Variants in CCDC85A observed in about 807,000 individuals in gnomAD.
CCDC85A encodes the protein coiled-coil domain containing 85A.
Under a neutral mutation model 50.2 loss-of-function variants are expected in CCDC85A, and 38 were observed. The ratio of observed to expected loss-of-function variants is 0.76; its 90% CI spans 0.58 to 0.99. The LOEUF (loss-of-function observed/expected upper bound fraction) is 0.99, where lower values mean the gene tolerates loss of function less well. Among genes scored for constraint, CCDC85A ranks in the 50% least tolerant of loss-of-function variants. CCDC85A has a pLI of 0.00. For missense variants in CCDC85A, 820 were observed against 742.0 expected, an observed-to-expected ratio of 1.11 and a Z score of -1.22; for synonymous variants, 366 against 301.4, an observed-to-expected ratio of 1.21 and a Z score of -2.22.
chr2:56,184,119 G>T lies in CCDC85A; in HGVS notation c.-506G>T. On this transcript the variant is annotated 5_prime_UTR_variant, in exon 1 of 6. Coordinates refer to ENST00000407595, the MANE Select transcript of CCDC85A (RefSeq NM_001080433.2). ...GCGGCGGCGTCGCTAGAGCAGCCGGGGAGGCGCCGCGGTGCCCGGCGCGCC... is the reference window on the plus strand; with the variant it reads ...GCGGCGGCGTCGCTAGAGCAGCCGGTGAGGCGCCGCGGTGCCCGGCGCGCC... The T allele has an allele frequency of 1.0e-6, 1 of 975,626 alleles. No individual in the cohort carries two copies. Among genetic ancestry groups the T allele is most frequent in the Non-Finnish European group, 1.2e-6 (1 of 821,000 alleles). 60.4% of individuals were successfully genotyped at this position (975,626 alleles called of 1,614,324 possible).
chr2:56,259,391 A>G (rs534537899), intron 2 of CCDC85A, among the ~76,000 whole-genome samples: 62 of 152,310 alleles, frequency 4.1e-4, no homozygotes, highest in Non-Finnish European at 4.9e-4. Context: ...CCCCGGCACC[A>G]TATCCCAGCC....
intron 5 of CCDC85A, among the ~76,000 whole-genome samples, chr2:56,383,192 G>A (rs957689603): frequency 1.3e-5 from 2 of 151,968 alleles, no homozygotes; most frequent in Non-Finnish European, 2.9e-5. Flanking sequence ...GTATTACTAT[G>A]AAGGATATTG....
intron 2 of CCDC85A, among the ~76,000 whole-genome samples, chr2:56,211,401 C>T (rs1191996065): frequency 6.6e-6 from 1 of 151,924 alleles, no homozygotes; most frequent in Non-Finnish European, 1.5e-5. Context: ...TGCATTTCCT[C>T]CTGCATTTTT....
At chr2:56,330,447 A>ATTATT (rs1558644696) in intron 2 of CCDC85A, among the ~76,000 whole-genome samples, 2 of 152,164 alleles carry the variant, frequency 1.3e-5, no homozygotes, top group Non-Finnish European at 2.9e-5. Context: ...ATTGCTTCAA[A>ATTATT]CTGTCCTGGG....
intron 2 of CCDC85A, among the ~76,000 whole-genome samples, chr2:56,204,622 C>T (rs1334292338): frequency 6.6e-6 from 1 of 152,166 alleles, no homozygotes; most frequent in Non-Finnish European, 1.5e-5. Flanking sequence ...GGCAGCTTTT[C>T]TCCCTACCTG....
intron 2 of CCDC85A, among the ~76,000 whole-genome samples, chr2:56,274,261 C>T (rs1006893291): frequency 1.3e-5 from 2 of 151,732 alleles, no homozygotes; most frequent in African/African-American, 4.8e-5. Context: ...GAAGTAGAAC[C>T]AAAAGTATGT....
intron 2 of CCDC85A, among the ~76,000 whole-genome samples, chr2:56,291,340 T>C (rs193002007): frequency 4.6e-5 from 7 of 152,298 alleles, no homozygotes; most frequent in Admixed American, 4.6e-4. Context: ...TGCTGGGCAC[T>C]GGGGTGAACA....
chr2:56,383,715 A>G (rs1335934056), intron 5 of CCDC85A: 1 of 985,146 alleles, frequency 1.0e-6, no homozygotes, highest in East Asian at 1.1e-4. Context: ...TGGCCCTAAG[A>G]CTACCACCTC....
In CCDC85A at chr2:56,317,349, G is replaced by T. The variant is rs140435743; in HGVS notation, c.1241-25530G>T. The stretch of plus-strand genomic sequence containing the variant: ...CATATTAAGGAACACGCTCACCCTT[G>T]TATGGAGTGATCCAAAAGTCTACAC... On this transcript the variant is annotated intron_variant, in intron 2 of 5. Coordinates refer to ENST00000407595, the MANE Select transcript of CCDC85A (RefSeq NM_001080433.2). 4.2e-3 allele frequency among the ~76,000 whole-genome samples: 640 copies of T among 152,138 alleles called. 3 individuals carry two copies. Among genetic ancestry groups the T allele is most frequent in the Non-Finnish European group, 6.8e-3 (464 of 67,984 alleles).
At position 56,184,883 on chromosome 2, in the gene CCDC85A, G is replaced by C; in HGVS notation, c.259G>C (p.Glu87Gln). Residue 87 changes from glutamate to glutamine, a missense_variant, in exon 1 of 6, where the codon GAG (glutamate) becomes CAG (glutamine). Coordinates refer to ENST00000407595, the MANE Select transcript of CCDC85A (RefSeq NM_001080433.2). Reference sequence around the variant, plus strand: ...CCGCCGCCTGCAGCTGCACCTCGGCGAGATCCGCGGCCTCAAGGTGAGCGC... The same window carrying C: ...CCGCCGCCTGCAGCTGCACCTCGGCCAGATCCGCGGCCTCAAGGTGAGCGC... ...VNRRLQLHLG[E>Q]IRGLKDINQK... The C allele has an allele frequency of 6.6e-7, 1 of 1,521,978 alleles. No individual in the cohort carries two copies. 94.3% of individuals were successfully genotyped at this position (1,521,978 alleles called of 1,614,324 possible).
intron 2 of CCDC85A, among the ~76,000 whole-genome samples, chr2:56,210,089 T>C (rs971758987): frequency 2.0e-5 from 3 of 152,074 alleles, no homozygotes; most frequent in African/African-American, 7.2e-5. Context: ...AAAGCCTGTG[T>C]GGTGCAGAGT....
intron 1 of CCDC85A, among the ~76,000 whole-genome samples, chr2:56,185,418 A>G (rs1468509764): frequency 6.6e-6 from 1 of 152,124 alleles, no homozygotes; most frequent in African/African-American, 2.4e-5. Flanking sequence ...CCCTCAGAGC[A>G]GTCTTGTGTC....
intron 3 of CCDC85A, among the ~76,000 whole-genome samples, chr2:56,344,530 T>G (rs1454626287): frequency 6.6e-6 from 1 of 152,226 alleles, no homozygotes; most frequent in Non-Finnish European, 1.5e-5. Context: ...AGGGTGGAAT[T>G]CTGTACTTCT....
intron 2 of CCDC85A, among the ~76,000 whole-genome samples, chr2:56,209,292 T>C (rs992299121): frequency 1.3e-5 from 2 of 152,168 alleles, no homozygotes; most frequent in Non-Finnish European, 2.9e-5. Flanking sequence ...ACTTCTTTTC[T>C]GTGCTCCTTA....
intron 3 of CCDC85A, among the ~76,000 whole-genome samples, chr2:56,349,695 T>C (rs1674811086): frequency 6.6e-6 from 1 of 152,230 alleles, no homozygotes; most frequent in Non-Finnish European, 1.5e-5. Flanking sequence ...GCCACGCTGC[T>C]GATTAAACAT....
intron 2 of CCDC85A, among the ~76,000 whole-genome samples, chr2:56,209,946 A>G (rs1677117866): frequency 2.0e-5 from 3 of 152,014 alleles, no homozygotes; most frequent in Admixed American, 1.3e-4. Flanking sequence ...CATGACTTTA[A>G]GGTGTTAGCA....
intron 2 of CCDC85A, among the ~76,000 whole-genome samples, chr2:56,236,508 G>A (rs567350501): frequency 4.6e-5 from 7 of 152,272 alleles, no homozygotes; most frequent in African/African-American, 1.7e-4. Flanking sequence ...TTGCTGCACA[G>A]GGAAGAGGAA....
intron 5 of CCDC85A, among the ~76,000 whole-genome samples, chr2:56,376,401 C>T (rs1467513214): frequency 1.3e-5 from 2 of 152,130 alleles, no homozygotes; most frequent in Non-Finnish European, 2.9e-5. Flanking sequence ...CCTACTCTTT[C>T]CTCTTCTAAG....
chr2:56,325,078 G>A (rs964577941), intron 2 of CCDC85A, among the ~76,000 whole-genome samples: 2 of 151,998 alleles, frequency 1.3e-5, no homozygotes, highest in Non-Finnish European at 2.9e-5. Flanking sequence ...TGAATTTTGT[G>A]AGGGTGAATA....
Sources: gnomAD v4.1 joint callset for allele counts (sites outside exome capture counted in the v4.1 genomes callset) on GRCh38, gnomAD v4.1.1 for gene constraint, MANE v1.5 for transcripts, NCBI Gene and HGNC (gene_info 2026-07-23, HGNC 2026-07-21) for gene names.